The following ST6GALNAC2 variants were observed in gnomAD, a reference collection of about 807,000 sequenced individuals.
ST6GALNAC2 encodes the protein alpha-N-acetylgalactosaminide alpha-2,6-sialyltransferase 2.
In ST6GALNAC2, 42 loss-of-function variants were observed where a neutral mutation model predicts 38.7. That is an observed-to-expected ratio of 1.09 (90% CI 0.85 to 1.40). The LOEUF (loss-of-function observed/expected upper bound fraction) is 1.40, where lower values mean the gene tolerates loss of function less well. ST6GALNAC2 is among the 40% of genes most tolerant of loss of function. The probability of loss-of-function intolerance (pLI) is 0.00; values close to 1 mark genes in which losing one functional copy is unlikely to be tolerated. For missense variants in ST6GALNAC2, 506 were observed against 481.7 expected (o/e 1.05, Z -0.47); for synonymous variants, 233 against 209.0 (o/e 1.11, Z -0.99).
At position 76,573,265 on chromosome 17, in the gene ST6GALNAC2, C is replaced by A; in HGVS notation, c.460G>T (p.Val154Leu). 3.7e-6 allele frequency: 6 copies of A among 1,612,300 alleles called. No homozygotes were observed. Among genetic ancestry groups the A allele is most frequent in the Non-Finnish European group, 5.1e-6 (6 of 1,179,308 alleles). Residue 154 changes from valine (V) to leucine (L), a missense_variant, in exon 4 of 9, where the codon GTG becomes TTG. Transcript: ENST00000225276. This position sits in a 1 kb window ranked among gnomAD's most constrained non-coding sequence, Gnocchi z 5.1. ...CCATTCAGAATGCCTCCGTTGCCCACCACGGCACACCGGATACACTTTGGA... is the reference window on the plus strand; with the variant it reads ...CCATTCAGAATGCCTCCGTTGCCCAACACGGCACACCGGATACACTTTGGA... ...TPPKCIRCAVVGNGGILNGSR... is the reference protein window; with the variant it reads ...TPPKCIRCAVLGNGGILNGSR...
At chr17:76,567,358 T>TC (rs927135309) in intron 8 of ST6GALNAC2, 95 bp downstream of exon 8, 10 of 873,712 alleles carry the variant, frequency 1.1e-5, no homozygotes, top group African/African-American at 1.0e-4. Flanking sequence ...AGGCCAAGAG[T>TC]CCCAGCTCCG....
chr17:76,585,206 G>C (rs1012825826), intron 1 of ST6GALNAC2, among the ~76,000 whole-genome samples: 2 of 152,222 alleles, frequency 1.3e-5, no homozygotes, highest in Non-Finnish European at 2.9e-5. Context: ...AGACCGCAGC[G>C]GGCGGGAAAG....
chr17:76,574,273 G>C (rs545446626), intron 3 of ST6GALNAC2, 92 bp downstream of exon 3: 12 of 1,444,360 alleles, frequency 8.3e-6, no homozygotes, highest in East Asian at 2.3e-5. Flanking sequence ...GGCATCACCA[G>C]TGCTATGAGG....
At chr17:76,572,594 G>T in intron 5 of ST6GALNAC2, 43 bp downstream of exon 5, 1 of 1,611,142 alleles carries the variant, frequency 6.2e-7, no homozygotes, top group South Asian at 1.1e-5. Context: ...AGGAACAATG[G>T]TGCCATTGTC....
At chr17:76,566,349 T>G (rs1351667206) in intron 8 of ST6GALNAC2, 78 bp from the exon 9 acceptor site, 3 of 1,494,384 alleles carry the variant, frequency 2.0e-6, no homozygotes, top group Non-Finnish European at 2.8e-6. Flanking sequence ...TGACATGAGT[T>G]TAGAAAGGTG....
chr17:76,566,407 G>T, intron 8 of ST6GALNAC2, 136 bp from the exon 9 acceptor site: 1 of 901,408 alleles, frequency 1.1e-6, no homozygotes. Flanking sequence ...TTCCCACTTA[G>T]CAAGTGGGGA....
chr17:76,572,577 G>T, intron 5 of ST6GALNAC2, 60 bp downstream of exon 5: 2 of 1,601,762 alleles, frequency 1.2e-6, no homozygotes, highest in African/African-American at 1.3e-5. Context: ...CCCACTGAGG[G>T]GACTCCAGGA....
rs894309898 is a variant in ST6GALNAC2, at chr17:76,573,554, G to T, written c.362-191C>A. 1.3e-5 allele frequency among the ~76,000 whole-genome samples: 2 copies of T among 152,150 alleles called. No individual in the cohort carries two copies. Among genetic ancestry groups the T allele is most frequent in the Non-Finnish European group, 2.9e-5 (2 of 68,024 alleles). On this transcript the variant is annotated intron_variant, in intron 3 of 8. Transcript: ENST00000225276. This position sits in a 1 kb window ranked among gnomAD's most constrained non-coding sequence, Gnocchi z 5.1. ...TGAAAAGCTGACAGTGGAAGAGGGG[G>T]CTTGGCGGCCTTCACTTGTCTTAAG...
chr17:76,572,516 C>T (rs2075363400), intron 5 of ST6GALNAC2, 121 bp downstream of exon 5: 1 of 1,206,254 alleles, frequency 8.3e-7, no homozygotes, highest in South Asian at 1.4e-5. Context: ...CATCCAGAAT[C>T]CTGGCACCCC....
rs1176418238 is a variant in ST6GALNAC2 at position 76,565,769 on chromosome 17, CGT to C, written c.*333_*334del. 4.5e-6 allele frequency: 1 copy of C among 222,024 alleles called. No individual in the cohort carries two copies. Among genetic ancestry groups the C allele is most frequent in the Non-Finnish European group, 8.9e-6 (1 of 112,538 alleles). The allele number at this position is 222,024 out of a possible 1,614,324, so 13.8% of individuals were successfully genotyped here. ...GCCACCAGGAGGATTTGGGCTGGAG[CGT>C]GTGTGTTTGCCTTTGACCTGGACTG... On this transcript the variant is annotated 3_prime_UTR_variant, in exon 9 of 9. Coordinates refer to ENST00000225276, the MANE Select transcript of ST6GALNAC2 (RefSeq NM_006456.3).
At chr17:76,585,439 C>T (rs887822614) in intron 1 of ST6GALNAC2, among the ~76,000 whole-genome samples, 2 of 152,246 alleles carry the variant, frequency 1.3e-5, no homozygotes, top group Non-Finnish European at 2.9e-5. Flanking sequence ...GTCGCCAGTG[C>T]ACAGGGGCGA....
At chr17:76,566,534 T>G (rs1242936642) in intron 8 of ST6GALNAC2, among the ~76,000 whole-genome samples, 1 of 152,026 alleles carries the variant, frequency 6.6e-6, no homozygotes, top group African/African-American at 2.4e-5. Context: ...CCATCCTAAC[T>G]GGGGACTGCA....
At chr17:76,570,482 G>C in intron 6 of ST6GALNAC2, 83 bp downstream of exon 6, 2 of 921,838 alleles carry the variant, frequency 2.2e-6, no homozygotes, top group South Asian at 2.8e-5. Context: ...ACCCCATGAT[G>C]GGCCCTGGGA....
In ST6GALNAC2 at chr17:76,573,149, C is replaced by T. The variant is rs1444128012; in HGVS notation, c.530+46G>A. 3.3e-6 allele frequency: 5 copies of T among 1,538,246 alleles called. No individual in the cohort carries two copies. The highest frequency in any genetic ancestry group is 4.4e-6 in the Non-Finnish European group (5 of 1,131,548). ...CCCTGGGGGAGACACCCCCACCCTC[C>T]AGGCAACTCTCCCTCCCGCCCCTCC... On this transcript the variant is annotated intron_variant, in intron 4 of 8. Coordinates refer to ENST00000225276, the MANE Select transcript of ST6GALNAC2 (RefSeq NM_006456.3). The surrounding 1 kb of genome is among the most constrained non-coding windows in gnomAD (Gnocchi z 5.1).
chr17:76,572,579 A>G, intron 5 of ST6GALNAC2, 58 bp downstream of exon 5: 1 of 1,601,692 alleles, frequency 6.2e-7, no homozygotes, highest in African/African-American at 1.3e-5. Context: ...CACTGAGGGG[A>G]CTCCAGGAAC....
At chr17:76,569,609 G>T (rs1422001718) in intron 6 of ST6GALNAC2, 5 of 398,520 alleles carry the variant, frequency 1.3e-5, no homozygotes, top group Non-Finnish European at 2.2e-5. Flanking sequence ...GAGGGAGACT[G>T]GGTAGGGGAT....
intron 6 of ST6GALNAC2, 30 bp downstream of exon 6, chr17:76,570,535 G>GC: frequency 6.6e-7 from 1 of 1,522,140 alleles, no homozygotes; most frequent in Non-Finnish European, 9.0e-7. Context: ...CCTCTGCCAC[G>GC]CCCCACACCA....
chr17:76,566,612 C>T (rs2075286339), intron 8 of ST6GALNAC2, among the ~76,000 whole-genome samples: 1 of 151,812 alleles, frequency 6.6e-6, no homozygotes, highest in Non-Finnish European at 1.5e-5. Context: ...AATCCCAACA[C>T]TGGGAAGCTG....
In ST6GALNAC2 at chr17:76,567,493, C is replaced by A; in HGVS notation, c.917G>T (p.Gly306Val). The A allele has an allele frequency of 1.2e-6, 2 of 1,613,962 alleles. No homozygotes were observed. The highest frequency in any genetic ancestry group is 3.3e-5 in the Admixed American group (2 of 60,018). Residue 306 changes from glycine to valine, a missense_variant, in exon 8 of 9, where the codon GGG becomes GTG. Transcript: ENST00000225276. ...HFGDLYMPST[G>V]ALMLLTALHT... Reference sequence around the variant, plus strand: ...CAAAGCTGTCAGCAGCATGAGAGCCCCGGTACTAGGCATATATAGGTCTCC... The same window carrying A: ...CAAAGCTGTCAGCAGCATGAGAGCCACGGTACTAGGCATATATAGGTCTCC...
Sources: gnomAD v4.1 joint callset for allele counts (sites outside exome capture counted in the v4.1 genomes callset) on GRCh38, gnomAD v4.1.1 for gene constraint, Gnocchi (gnomAD v3.1) non-coding constraint, MANE v1.5 for transcripts, NCBI Gene and HGNC (gene_info 2026-07-23, HGNC 2026-07-21) for gene names.